The following PGAP2 variants were observed in gnomAD, a reference collection of about 807,000 sequenced individuals.
PGAP2 encodes the protein post-GPI attachment to proteins 2, also known as acyltransferase PGAP2.
A neutral mutation model predicts 33.2 loss-of-function variants in PGAP2; 21 were observed. The ratio of observed to expected loss-of-function variants is 0.63; its 90% CI spans 0.45 to 0.91. The LOEUF (loss-of-function observed/expected upper bound fraction) is 0.91. Among genes scored for constraint, PGAP2 ranks in the 40% least tolerant of loss-of-function variants. The pLI, the probability that PGAP2 is intolerant of heterozygous loss-of-function variation, is 0.00. For synonymous variants in PGAP2, 161 were observed against 172.9 expected, an observed-to-expected ratio of 0.93 and a Z score of 0.54; for missense variants, 345 against 424.0, an observed-to-expected ratio of 0.81 and a Z score of 1.64.
intron 1 of PGAP2, among the ~76,000 whole-genome samples, chr11:3,800,433 G>A (rs1175579348): frequency 6.6e-6 from 1 of 152,172 alleles, no homozygotes; most frequent in East Asian, 1.9e-4. Context: ...TTGAGTCAGA[G>A]AACCCTGGTT....
At chr11:3,802,519 G>A (rs2083602081) in intron 1 of PGAP2, among the ~76,000 whole-genome samples, 1 of 152,204 alleles carries the variant, frequency 6.6e-6, no homozygotes. Context: ...GATGTCCACA[G>A]CTCAACACTA....
rs569183388 is a variant in PGAP2, at chr11:3,802,674, C to A, written c.139+4692C>A. Among the ~76,000 whole-genome samples, 15 of 152,286 alleles carry A rather than the reference C, an allele frequency of 9.8e-5. No individual in the cohort carries two copies. The South Asian group carries it at 3.1e-3, about 32-fold the overall frequency. On this transcript the variant is annotated intron_variant, in intron 1 of 6. Transcript: ENST00000300730. ...ACTGCAGAATTGTGGAAGGATGAGA[C>A]TTCTTTCCAGAGAAGCAGCAGAATT...
chr11:3,798,343 C>G (rs1043334232), intron 1 of PGAP2, among the ~76,000 whole-genome samples: 1 of 151,458 alleles, frequency 6.6e-6, no homozygotes, highest in Non-Finnish European at 1.5e-5. Context: ...TTTTCTTTTT[C>G]TTTTGAGATG....
upstream of PGAP2, chr11:3,808,344 T>C (rs966883310): frequency 4.1e-5 from 64 of 1,551,192 alleles, no homozygotes; most frequent in Non-Finnish European, 5.5e-5. Context: ...TTATCCAACA[T>C]GCTCAAACTC....
At chr11:3,822,850 TCAAA>T (rs1403333472) in intron 3 of PGAP2, 8 of 963,274 alleles carry the variant, frequency 8.3e-6, no homozygotes, top group Middle Eastern at 2.1e-4. Flanking sequence ...CTTTCACCTC[TCAAA>T]CAAGCAAGAC....
Position 3,811,452 on chromosome 11 carries a change from T to TATGA in PGAP2, c.165+30_165+31insGAAT. 6.3e-7 allele frequency: 1 copy of TATGA among 1,593,240 alleles called. No individual in the cohort carries two copies. Among genetic ancestry groups the TATGA allele is most frequent in the South Asian group, 1.1e-5 (1 of 89,810 alleles). The stretch of plus-strand genomic sequence containing the variant: ...AGGGCATGGGGACACTGATACCTCA[T>TATGA]ATTCAGGCCGATCTGGATCTTCTTT... On this transcript the variant is annotated intron_variant, in intron 2 of 6. Transcript: ENST00000278243. The surrounding 1 kb of genome is among the most constrained non-coding windows in gnomAD (Gnocchi z 4.6).
At chr11:3,818,487 G>A (rs980667995) in intron 3 of PGAP2, among the ~76,000 whole-genome samples, 1 of 152,116 alleles carries the variant, frequency 6.6e-6, no homozygotes, top group Non-Finnish European at 1.5e-5. Context: ...GCCAGAAGAT[G>A]GGAGATGTAA....
At position 3,811,685 on chromosome 11, in the gene PGAP2, AC is replaced by A. The variant is rs2073852146; in HGVS notation, c.165+265del. 6.6e-6 allele frequency among the ~76,000 whole-genome samples: 1 copy of A among 151,972 alleles called. No homozygotes were observed. The highest frequency in any genetic ancestry group is 2.4e-5 in the African/African-American group (1 of 41,362). On this transcript the variant is annotated intron_variant, in intron 2 of 6. Transcript: ENST00000278243. This position sits in a 1 kb window ranked among gnomAD's most constrained non-coding sequence, Gnocchi z 4.6. ...TATAACAGAGTTTGACACATGTCCC[AC>A]CCCATTTACTTTGATATCCTAGAGA...
upstream of PGAP2, among the ~76,000 whole-genome samples, chr11:3,805,096 G>C (rs910205647): frequency 7.2e-5 from 11 of 152,056 alleles, no homozygotes; most frequent in Admixed American, 6.6e-4. Context: ...TTTCAGAAAG[G>C]GTCGGTGACA....
upstream of PGAP2, chr11:3,808,260 C>T (rs2084806192): frequency 6.4e-7 from 1 of 1,550,780 alleles, no homozygotes; most frequent in African/African-American, 1.4e-5. Context: ...AGAAATCCGG[C>T]CCCTGTTGAA....
At chr11:3,808,210 A>G (rs2084791816), upstream of PGAP2, 1 of 1,511,358 alleles carries the variant, frequency 6.6e-7, no homozygotes, top group African/African-American at 1.4e-5. Context: ...TAGTTCGGTT[A>G]GAATGGAGGT....
intron 1 of PGAP2, chr11:3,798,180 C>T: frequency 7.5e-7 from 1 of 1,336,848 alleles, no homozygotes; most frequent in Non-Finnish European, 9.7e-7. Flanking sequence ...CCCATGCTCG[C>T]CCCAGCACTT....
At chr11:3,817,281 C>T in intron 2 of PGAP2, 72 bp from the exon 3 acceptor site, 1 of 1,231,086 alleles carries the variant, frequency 8.1e-7, no homozygotes, top group Admixed American at 2.0e-5. Context: ...GGAGCCATCT[C>T]TGGAAAAGGC....
chr11:3,810,722 G>A (rs2085370261), intron 1 of PGAP2, among the ~76,000 whole-genome samples: 1 of 152,210 alleles, frequency 6.6e-6, no homozygotes, highest in African/African-American at 2.4e-5. Context: ...CCCTGCCACT[G>A]TGGACTGCGG....
Position 3,824,967 on chromosome 11 carries a change from C to T in PGAP2, c.709-53C>T, listed in dbSNP as rs2089752111. The T allele has an allele frequency of 5.0e-6, 8 of 1,610,864 alleles. No homozygotes were observed. The South Asian group carries it at 6.6e-5, about 13-fold the overall frequency. On this transcript the variant is annotated intron_variant, in intron 5 of 6. Transcript: ENST00000278243. The stretch of plus-strand genomic sequence containing the variant: ...TAGGAGTTAGGGCTGAGAGGGGAGC[C>T]CACGCTCTCATACCCAGCAAGCTGC...
chr11:3,810,895 G>T (rs1464835713), intron 1 of PGAP2, among the ~76,000 whole-genome samples: 1 of 152,210 alleles, frequency 6.6e-6, no homozygotes, highest in African/African-American at 2.4e-5. Flanking sequence ...GTAGGTTTTA[G>T]GGTTGGTTCT....
intron 3 of PGAP2, among the ~76,000 whole-genome samples, chr11:3,821,631 G>A (rs1163102760): frequency 2.6e-5 from 4 of 152,048 alleles, no homozygotes; most frequent in Non-Finnish European, 1.5e-5. Flanking sequence ...GGCAGCAGGC[G>A]CCTGTAATCC....
chr11:3,798,223 T>G, intron 1 of PGAP2: 1 of 1,042,532 alleles, frequency 9.6e-7, no homozygotes, highest in South Asian at 2.0e-5. Flanking sequence ...GGATGGACAT[T>G]AGGAGCATTA....
At position 3,825,629 on chromosome 11, in the gene PGAP2, TCC is replaced by T. The variant is rs2089900059; in HGVS notation, c.*172_*173del. On this transcript the variant is annotated 3_prime_UTR_variant, in exon 7 of 7. Transcript: ENST00000278243. The stretch of plus-strand genomic sequence containing the variant: ...ACCCCAGTGCTGCTGGCTTCTCCTC[TCC>T]ACCCCTCATATGGGCGTGGGGTCCT... The T allele has an allele frequency of 1.4e-5, 8 of 577,316 alleles. No individual in the cohort carries two copies. The highest frequency in any genetic ancestry group is 3.5e-5 in the Admixed American group (1 of 28,764). The allele number at this position is 577,316 out of a possible 1,614,324, so 35.8% of individuals were successfully genotyped here.
Sources: allele counts gnomAD v4.1 joint callset (sites outside exome capture counted in the v4.1 genomes callset), GRCh38; gene constraint gnomAD v4.1.1; non-coding constraint Gnocchi (gnomAD v3.1); transcripts MANE v1.5; gene names NCBI Gene and HGNC (gene_info 2026-07-23, HGNC 2026-07-21).